The following ZCCHC7 variants were observed in gnomAD, a reference collection of about 807,000 sequenced individuals.
ZCCHC7 encodes zinc finger CCHC-type containing 7.
ZCCHC7 carries 35 observed loss-of-function variants against 52.0 expected under a neutral mutation model. The ratio of observed to expected loss-of-function variants is 0.67; its 90% CI spans 0.51 to 0.89. ZCCHC7 has a LOEUF of 0.89. Ranked by LOEUF, ZCCHC7 falls within the 40% of genes least tolerant of loss-of-function variation. The pLI, the probability that ZCCHC7 is intolerant of heterozygous loss-of-function variation, is 0.00. For synonymous variants in ZCCHC7, 217 were observed against 221.5 expected (o/e 0.98, Z 0.18); for missense variants, 574 against 649.1 (o/e 0.88, Z 1.26).
intron 6 of ZCCHC7, among the ~76,000 whole-genome samples, chr9:37,337,491 G>A (rs994437977): frequency 1.3e-5 from 2 of 149,566 alleles, no homozygotes; most frequent in African/African-American, 2.5e-5. Flanking sequence ...GGGCAGACAA[G>A]GTCGATAGCA....
At chr9:37,286,337 C>G (rs962789490) in intron 2 of ZCCHC7, among the ~76,000 whole-genome samples, 6 of 152,014 alleles carry the variant, frequency 3.9e-5, no homozygotes, top group African/African-American at 1.5e-4. Flanking sequence ...AATTGTAATA[C>G]CTACCTTTAT....
At chr9:37,141,248 CCA>C (rs1843212832) in intron 2 of ZCCHC7, among the ~76,000 whole-genome samples, 1 of 151,620 alleles carries the variant, frequency 6.6e-6, no homozygotes, top group African/African-American at 2.4e-5. Flanking sequence ...GGTGACTTTT[CCA>C]CTTTTTCTTT....
chr9:37,246,028 A>G (rs1291006823), intron 2 of ZCCHC7, among the ~76,000 whole-genome samples: 1 of 152,132 alleles, frequency 6.6e-6, no homozygotes, highest in Non-Finnish European at 1.5e-5. Context: ...TAAGATAGTG[A>G]CAGGATCATA....
intron 2 of ZCCHC7, among the ~76,000 whole-genome samples, chr9:37,221,999 G>A (rs898725403): frequency 6.6e-6 from 1 of 152,070 alleles, no homozygotes; most frequent in Non-Finnish European, 1.5e-5. Flanking sequence ...AACAGGAAAT[G>A]TGTGGAGTTT....
intron 5 of ZCCHC7, among the ~76,000 whole-genome samples, chr9:37,320,331 GC>G (rs1252796106): frequency 6.6e-6 from 1 of 152,170 alleles, no homozygotes; most frequent in African/African-American, 2.4e-5. Flanking sequence ...GCCAACCTTG[GC>G]CTCCCAAAGT....
chr9:37,195,730 T>C (rs1287267413), intron 2 of ZCCHC7, among the ~76,000 whole-genome samples: 2 of 152,222 alleles, frequency 1.3e-5, no homozygotes, highest in African/African-American at 4.8e-5. Context: ...GTAGTAGTGA[T>C]TTAATGCGAA....
intron 2 of ZCCHC7, among the ~76,000 whole-genome samples, chr9:37,265,738 A>G (rs1273445417): frequency 1.3e-5 from 2 of 152,250 alleles, no homozygotes; most frequent in African/African-American, 4.8e-5. Flanking sequence ...TCTGTTTTCC[A>G]GCGACCATTT....
At chr9:37,192,823 A>G (rs1445553084) in intron 2 of ZCCHC7, among the ~76,000 whole-genome samples, 1 of 150,458 alleles carries the variant, frequency 6.6e-6, no homozygotes, top group Non-Finnish European at 1.5e-5. Flanking sequence ...TTCCCTTTTT[A>G]AAAAAACTTT....
At chr9:37,156,911 T>G (rs1006705523) in intron 2 of ZCCHC7, among the ~76,000 whole-genome samples, 6 of 152,230 alleles carry the variant, frequency 3.9e-5, no homozygotes, top group Middle Eastern at 3.4e-3. Context: ...TTTTAATAAG[T>G]AAATTAACTT....
At chr9:37,165,389 G>T (rs925261988) in intron 2 of ZCCHC7, among the ~76,000 whole-genome samples, 2 of 151,676 alleles carry the variant, frequency 1.3e-5, no homozygotes, top group Non-Finnish European at 2.9e-5. Flanking sequence ...TCCTTGTCTT[G>T]TTCCTGTTTT....
intron 2 of ZCCHC7, among the ~76,000 whole-genome samples, chr9:37,127,661 AGTC>A (rs1423474452): frequency 6.6e-6 from 1 of 152,118 alleles, no homozygotes; most frequent in Non-Finnish European, 1.5e-5. Flanking sequence ...TTTCCTAAGT[AGTC>A]TTCTTTTATA....
At chr9:37,187,711 T>C (rs907013226) in intron 2 of ZCCHC7, among the ~76,000 whole-genome samples, 2 of 152,218 alleles carry the variant, frequency 1.3e-5, no homozygotes, top group African/African-American at 4.8e-5. Context: ...GAATTACCCT[T>C]CATTAAAAGA....
chr9:37,167,088 A>C (rs971974734), intron 2 of ZCCHC7, among the ~76,000 whole-genome samples: 1 of 152,122 alleles, frequency 6.6e-6, no homozygotes, highest in African/African-American at 2.4e-5. Context: ...TATGTGTACT[A>C]GGCTGCTTGA....
intron 2 of ZCCHC7, 82 bp from the exon 3 acceptor site, chr9:37,302,106 A>T: frequency 9.0e-7 from 1 of 1,106,404 alleles, no homozygotes; most frequent in East Asian, 2.4e-5. Context: ...CAATTTGAGT[A>T]CTCATAAATT....
At chr9:37,337,013 C>T (rs1234648997) in intron 6 of ZCCHC7, among the ~76,000 whole-genome samples, 3 of 152,056 alleles carry the variant, frequency 2.0e-5, no homozygotes, top group Non-Finnish European at 4.4e-5. Context: ...GCGGAGGGGC[C>T]GAGAAATATT....
intron 2 of ZCCHC7, among the ~76,000 whole-genome samples, chr9:37,206,473 C>T (rs1269909485): frequency 6.6e-6 from 1 of 151,878 alleles, no homozygotes; most frequent in Non-Finnish European, 1.5e-5. Flanking sequence ...CACCTCAGCC[C>T]CCCGAGTAGC....
intron 2 of ZCCHC7, among the ~76,000 whole-genome samples, chr9:37,180,727 A>G (rs563470386): frequency 2.3e-4 from 35 of 152,268 alleles, no homozygotes; most frequent in Admixed American, 3.9e-4. Context: ...CACATTGTGT[A>G]TGATTTGAGT....
chr9:37,178,689 G>A (rs1167904246), intron 2 of ZCCHC7, among the ~76,000 whole-genome samples: 3 of 152,164 alleles, frequency 2.0e-5, no homozygotes, highest in Non-Finnish European at 4.4e-5. Context: ...TGTAGCAGAC[G>A]TATTTTGAGT....
At chr9:37,179,118 A>G (rs918116073) in intron 2 of ZCCHC7, among the ~76,000 whole-genome samples, 1 of 152,212 alleles carries the variant, frequency 6.6e-6, no homozygotes, top group African/African-American at 2.4e-5. Flanking sequence ...GAAGCAGATA[A>G]GCATAACCCA....
Sources: allele counts gnomAD v4.1 joint callset (sites outside exome capture counted in the v4.1 genomes callset), GRCh38; gene constraint gnomAD v4.1.1; transcripts MANE v1.5; gene names NCBI Gene and HGNC (gene_info 2026-07-23, HGNC 2026-07-21).